Variants in FYB2 observed in about 807,000 individuals in gnomAD.
The protein encoded by FYB2 is FYN binding protein 2, also known as FYN-binding protein 2.
FYB2 carries 103 observed loss-of-function variants against 94.1 expected under a neutral mutation model. The ratio of observed to expected loss-of-function variants is 1.09; its 90% CI spans 0.93 to 1.29. The LOEUF (loss-of-function observed/expected upper bound fraction) is 1.29, where lower values mean the gene tolerates loss of function less well. FYB2 is among the 50% of genes most tolerant of loss of function. The pLI is 0.00. For synonymous variants in FYB2, 293 were observed against 287.9 expected (o/e 1.02, Z -0.18); for missense variants, 896 against 841.5 (o/e 1.06, Z -0.80).
intron 4 of FYB2, among the ~76,000 whole-genome samples, chr1:56,782,476 C>T (rs777883374): frequency 2.5e-4 from 38 of 152,072 alleles, no homozygotes; most frequent in Non-Finnish European, 4.7e-4. Flanking sequence ...CACTGCCTGA[C>T]ACGGGTCCTA....
upstream of FYB2, among the ~76,000 whole-genome samples, chr1:56,822,944 C>T (rs527467971): frequency 6.6e-6 from 1 of 152,046 alleles, no homozygotes; most frequent in African/African-American, 2.4e-5. Context: ...TTAGATTAAT[C>T]ATTTCTGAGG....
intron 15 of FYB2, among the ~76,000 whole-genome samples, chr1:56,731,061 G>A (rs1484183084): frequency 1.3e-5 from 2 of 152,022 alleles, no homozygotes; most frequent in East Asian, 3.9e-4. Flanking sequence ...GAGTGACAGA[G>A]TGAGACCCTG....
chr1:56,778,653 C>A (rs1438166972), intron 4 of FYB2, among the ~76,000 whole-genome samples: 2 of 152,048 alleles, frequency 1.3e-5, no homozygotes, highest in Non-Finnish European at 2.9e-5. Flanking sequence ...ATAAATCAAT[C>A]AAATGAATAT....
Position 56,767,948 on chromosome 1 carries a change from A to C in FYB2, c.954-10T>G. The C allele has an allele frequency of 6.5e-7, 1 of 1,544,338 alleles. No individual in the cohort carries two copies. The highest frequency in any genetic ancestry group is 1.2e-5 in the South Asian group (1 of 84,578). On this transcript the variant is annotated splice_polypyrimidine_tract_variant and intron_variant, in intron 4 of 19. Coordinates refer to ENST00000343433, the MANE Select transcript of FYB2 (RefSeq NM_001004303.5). ...TTCTGCATTGAAAAGCCTGGAGAAA[A>C]AAGGGTTACTTAAAATGTAACATTT... is the stretch of plus-strand genomic sequence containing the variant.
At chr1:56,762,817 G>A (rs1263886943) in intron 5 of FYB2, among the ~76,000 whole-genome samples, 1 of 152,160 alleles carries the variant, frequency 6.6e-6, no homozygotes, top group Non-Finnish European at 1.5e-5. Flanking sequence ...CTTGTTACCG[G>A]TAGTAGGGGA....
chr1:56,720,536 CATTT>C (rs1644465791), intron 17 of FYB2: 1 of 391,208 alleles, frequency 2.6e-6, no homozygotes, highest in African/African-American at 2.1e-5. Flanking sequence ...TGCAATCTCA[CATTT>C]GTTTGGTATG....
chr1:56,730,136 C>A (rs1644673538), intron 15 of FYB2, among the ~76,000 whole-genome samples: 1 of 151,276 alleles, frequency 6.6e-6, no homozygotes. Flanking sequence ...AAAGGAAGAA[C>A]AAACCAAATC....
At chr1:56,742,317 G>A (rs1344448027) in intron 11 of FYB2, 96 bp from the exon 12 acceptor site, 2 of 850,976 alleles carry the variant, frequency 2.4e-6, no homozygotes, top group Non-Finnish European at 3.5e-6. Flanking sequence ...TAGATGCTAG[G>A]TACTTTGATC....
At chr1:56,755,761 C>A (rs1490417569) in intron 7 of FYB2, 135 bp downstream of exon 7, 1 of 817,034 alleles carries the variant, frequency 1.2e-6, no homozygotes, top group Non-Finnish European at 2.0e-6. Flanking sequence ...GTACTAGGCA[C>A]CTTGCAAGGT....
chr1:56,776,121 G>A (rs1176045006), intron 4 of FYB2, among the ~76,000 whole-genome samples: 1 of 152,058 alleles, frequency 6.6e-6, no homozygotes, highest in Non-Finnish European at 1.5e-5. Flanking sequence ...TGCACTACAA[G>A]TCACTCTAGA....
At chr1:56,771,755 C>T (rs1407382404) in intron 4 of FYB2, among the ~76,000 whole-genome samples, 1 of 152,112 alleles carries the variant, frequency 6.6e-6, no homozygotes, top group East Asian at 1.9e-4. Flanking sequence ...GAGGTCTTAG[C>T]ATTTGGTAGT....
In FYB2 at chr1:56,813,671, AT is replaced by A. The variant is rs1343725100; in HGVS notation, c.9+5610del. Among the ~76,000 whole-genome samples, 5 of 152,262 alleles carry A rather than the reference AT, an allele frequency of 3.3e-5. No individual in the cohort carries two copies. In the East Asian group the frequency reaches 9.7e-4, roughly 29 times the overall value. On this transcript the variant is annotated intron_variant, in intron 1 of 19. Transcript: ENST00000343433. The stretch of plus-strand genomic sequence containing the variant: ...GAGTTTGGGAGGGGTGGGTGACACA[AT>A]TTGACCCATAAGAGTCCACCTGTTA...
In FYB2 at chr1:56,730,624, A is replaced by G. The variant is rs532940649; in HGVS notation, c.1794-4041T>C. Among the ~76,000 whole-genome samples, 15 of 152,224 alleles carry G rather than the reference A, an allele frequency of 9.9e-5. No homozygotes were observed. The South Asian group carries it at 3.1e-3, about 32-fold the overall frequency. On this transcript the variant is annotated intron_variant, in intron 15 of 19. Transcript: ENST00000343433. Reference sequence around the variant, plus strand: ...AAACTTGAAAAGACCAATAAAAGTGATGAGATTGAATCAGTAATAAAGAGT... The same window carrying G: ...AAACTTGAAAAGACCAATAAAAGTGGTGAGATTGAATCAGTAATAAAGAGT...
chr1:56,818,509 C>G (rs1646938103), intron 1 of FYB2, among the ~76,000 whole-genome samples: 1 of 149,134 alleles, frequency 6.7e-6, no homozygotes, highest in Non-Finnish European at 1.5e-5. Flanking sequence ...CATGCACACG[C>G]ACATCAAAAG....
At chr1:56,726,661 A>G in intron 15 of FYB2, 78 bp from the exon 16 acceptor site, 1 of 1,170,692 alleles carries the variant, frequency 8.5e-7, no homozygotes. Context: ...TTCATGGGCA[A>G]TTATGTTTTA....
intron 4 of FYB2, among the ~76,000 whole-genome samples, chr1:56,786,391 T>A (rs1255275660): frequency 6.6e-6 from 1 of 152,248 alleles, no homozygotes; most frequent in Non-Finnish European, 1.5e-5. Flanking sequence ...AGCCTCTGAA[T>A]CTTGTCCTTT....
intron 3 of FYB2, 91 bp from the exon 4 acceptor site, chr1:56,787,299 T>A (rs776327964): frequency 1.4e-6 from 2 of 1,479,914 alleles, no homozygotes; most frequent in African/African-American, 1.4e-5. Context: ...ATCCCACAGA[T>A]AATGTGGAGA....
intron 4 of FYB2, among the ~76,000 whole-genome samples, chr1:56,775,943 A>G (rs1645865281): frequency 1.3e-5 from 2 of 152,216 alleles, no homozygotes; most frequent in African/African-American, 2.4e-5. Context: ...TGTTAATTTT[A>G]TATGCATTAT....
intron 15 of FYB2, among the ~76,000 whole-genome samples, chr1:56,731,722 G>T (rs1644715305): frequency 6.6e-6 from 1 of 152,062 alleles, no homozygotes; most frequent in African/African-American, 2.4e-5. Context: ...AAACATCACT[G>T]CAACAGAATG....
Sources: gnomAD v4.1 joint callset for allele counts (sites outside exome capture counted in the v4.1 genomes callset) on GRCh38, gnomAD v4.1.1 for gene constraint, MANE v1.5 for transcripts, NCBI Gene and HGNC (gene_info 2026-07-23, HGNC 2026-07-21) for gene names.